SUGCT: variants seen among roughly 807,000 people sequenced by gnomAD.
SUGCT encodes succinyl-CoA:glutarate-CoA transferase.
A neutral mutation model predicts 55.0 loss-of-function variants in SUGCT; 41 were observed. The ratio of observed to expected loss-of-function variants is 0.74; its 90% CI spans 0.58 to 0.97. The LOEUF (loss-of-function observed/expected upper bound fraction) is 0.97. SUGCT is among the 50% of genes least tolerant of loss of function. The pLI is 0.00. For synonymous variants in SUGCT, 187 were observed against 200.4 expected (o/e 0.93, Z 0.56); for missense variants, 568 against 547.8 (o/e 1.04, Z -0.37).
intron 13 of SUGCT, among the ~76,000 whole-genome samples, chr7:40,858,403 C>CAAAAAAAAAAAAAA (rs58628576): frequency 1.4e-4 from 5 of 34,752 alleles, no homozygotes; most frequent in East Asian, 2.7e-3. Flanking sequence ...AATTCCATCT[C>CAAAAAAAAAAAAAA]AAAAAAAAAA....
intron 12 of SUGCT, among the ~76,000 whole-genome samples, chr7:40,609,015 T>A (rs1310048032): frequency 6.6e-6 from 1 of 152,188 alleles, no homozygotes; most frequent in African/African-American, 2.4e-5. Context: ...TATCCTGTAT[T>A]CTGCTATGTG....
intron 13 of SUGCT, chr7:40,793,347 T>C (rs1419794665): frequency 4.6e-5 from 7 of 152,138 alleles, no homozygotes; most frequent in Non-Finnish European, 1.0e-4. Context: ...TTTCTCTAGT[T>C]AGTCATTTCA....
intron 6 of SUGCT, among the ~76,000 whole-genome samples, chr7:40,212,181 C>G (rs1345654056): frequency 3.3e-5 from 5 of 151,342 alleles, no homozygotes; most frequent in African/African-American, 1.2e-4. Flanking sequence ...ATCCTCTGGG[C>G]TCAAGTGATC....
chr7:40,680,167 A>G (rs1784173098), intron 12 of SUGCT, among the ~76,000 whole-genome samples: 1 of 152,198 alleles, frequency 6.6e-6, no homozygotes, highest in Admixed American at 6.5e-5. Context: ...TACTATCAGA[A>G]TCACCTAAAT....
At chr7:40,915,800 C>A in the SUGCT span, among the ~76,000 whole-genome samples, 22 of 152,318 alleles carry the variant, frequency 1.4e-4, no homozygotes, top group African/African-American at 4.8e-4. Context: ...TGTAGAAATA[C>A]ATAAGTAAAT....
At chr7:41,024,053 T>C in the SUGCT span, among the ~76,000 whole-genome samples, 1 of 152,098 alleles carries the variant, frequency 6.6e-6, no homozygotes, top group African/African-American at 2.4e-5. Flanking sequence ...CAAGACAACA[T>C]GCATGTATGT....
intron 12 of SUGCT, among the ~76,000 whole-genome samples, chr7:40,501,812 G>A (rs1792296209): frequency 2.0e-5 from 3 of 152,026 alleles, no homozygotes; most frequent in Admixed American, 2.0e-4. Context: ...TGTCACAGAA[G>A]GGTTACCCAT....
the SUGCT span, among the ~76,000 whole-genome samples, chr7:41,024,669 A>AG: frequency 2.6e-5 from 4 of 151,776 alleles, no homozygotes; most frequent in Non-Finnish European, 4.4e-5. Flanking sequence ...GGCAAAAAAA[A>AG]AAAAAAAAGG....
At chr7:40,229,544 G>A (rs1009908611) in intron 6 of SUGCT, among the ~76,000 whole-genome samples, 3 of 151,554 alleles carry the variant, frequency 2.0e-5, no homozygotes, top group African/African-American at 4.8e-5. Flanking sequence ...CTGGTGCGGT[G>A]GCTTACACCT....
intron 12 of SUGCT, among the ~76,000 whole-genome samples, chr7:40,705,623 C>T (rs1785361592): frequency 6.6e-6 from 1 of 152,162 alleles, no homozygotes; most frequent in South Asian, 2.1e-4. Flanking sequence ...TCCTTCTGAT[C>T]CACTACATTT....
chr7:40,907,096 A>AGTGTGTGTGT, the SUGCT span, among the ~76,000 whole-genome samples: 4 of 101,670 alleles, frequency 3.9e-5, no homozygotes, highest in Admixed American at 1.8e-4. Flanking sequence ...TTGTTCTGAT[A>AGTGTGTGTGT]GTGTGTGTGT....
intron 13 of SUGCT, among the ~76,000 whole-genome samples, chr7:40,772,100 G>A (rs1789134297): frequency 6.6e-6 from 1 of 152,092 alleles, no homozygotes; most frequent in Non-Finnish European, 1.5e-5. Context: ...GAGTAAGCCA[G>A]CTTGCAGCCT....
intron 9 of SUGCT, among the ~76,000 whole-genome samples, chr7:40,408,481 C>G (rs1462420246): frequency 2.0e-5 from 3 of 152,010 alleles, no homozygotes; most frequent in Non-Finnish European, 4.4e-5. Flanking sequence ...CAAGTCAATA[C>G]CCAACTGTCT....
At chr7:40,619,555 A>G (rs1276225471) in intron 12 of SUGCT, among the ~76,000 whole-genome samples, 1 of 152,222 alleles carries the variant, frequency 6.6e-6, no homozygotes, top group Non-Finnish European at 1.5e-5. Flanking sequence ...TATATTAATA[A>G]TGCATGGCCT....
chr7:40,519,566 A>G (rs2151571222), intron 12 of SUGCT, among the ~76,000 whole-genome samples: 1 of 152,126 alleles, frequency 6.6e-6, no homozygotes, highest in Non-Finnish European at 1.5e-5. Context: ...AGACACAGAA[A>G]ATTCTTGGCG....
At chr7:40,370,590 A>C (rs1178587326) in intron 9 of SUGCT, among the ~76,000 whole-genome samples, 1 of 139,950 alleles carries the variant, frequency 7.1e-6, no homozygotes, top group East Asian at 2.5e-4. Context: ...AGAGAGAGAG[A>C]TGGGGGAGAG....
intron 13 of SUGCT, among the ~76,000 whole-genome samples, chr7:40,814,298 A>G (rs1207499244): frequency 6.6e-6 from 1 of 151,960 alleles, no homozygotes; most frequent in South Asian, 2.1e-4. Context: ...TTTTTTTTCC[A>G]GGTTATTTAC....
intron 12 of SUGCT, among the ~76,000 whole-genome samples, chr7:40,681,438 C>A (rs756574019): frequency 6.6e-6 from 1 of 152,078 alleles, no homozygotes; most frequent in Non-Finnish European, 1.5e-5. Context: ...GAGAGTGGCA[C>A]GCTTTGTTAT....
chr7:40,801,370 T>G (rs1790806608), intron 13 of SUGCT, among the ~76,000 whole-genome samples: 2 of 152,156 alleles, frequency 1.3e-5, no homozygotes, highest in Admixed American at 6.5e-5. Flanking sequence ...CTGAGATGTA[T>G]CTTGTTAGAG....
Sources: gnomAD v4.1 joint callset for allele counts (sites outside exome capture counted in the v4.1 genomes callset) on GRCh38, gnomAD v4.1.1 for gene constraint, MANE v1.5 for transcripts, NCBI Gene and HGNC (gene_info 2026-07-23, HGNC 2026-07-21) for gene names.